Variants in CIMIP2A observed in about 807,000 individuals in gnomAD.
CIMIP2A encodes family with sequence similarity 166 member A.
chr9:137,253,370 G>A, the CIMIP2A span: 5 of 1,534,244 alleles, frequency 3.3e-6, no homozygotes, highest in Non-Finnish European at 4.4e-6. Context: ...TGGGCACCCC[G>A]ATGCACCCTT....
chr9:137,243,726 ATTCC>A, the CIMIP2A span: 1 of 1,614,122 alleles, frequency 6.2e-7, no homozygotes, highest in African/African-American at 1.3e-5. Flanking sequence ...CGCTTTGCCC[ATTCC>A]TTCCAGTAGG....
At chr9:137,244,817 A>G in the CIMIP2A span, 2 of 1,576,884 alleles carry the variant, frequency 1.3e-6, no homozygotes, top group African/African-American at 2.7e-5. Context: ...CAGACGTGTC[A>G]GGGAAGCCAG....
the CIMIP2A span, among the ~76,000 whole-genome samples, chr9:137,247,306 G>C: frequency 6.6e-6 from 1 of 152,186 alleles, no homozygotes; most frequent in Non-Finnish European, 1.5e-5. Context: ...TAAATAAAAT[G>C]AAATGAAGTG....
chr9:137,254,951 C>A, the CIMIP2A span, among the ~76,000 whole-genome samples: 363 of 152,312 alleles, frequency 2.4e-3, no homozygotes, highest in Non-Finnish European at 3.5e-3. Context: ...AGGGAGTCTG[C>A]GCCTGTGTCC....
the CIMIP2A span, chr9:137,247,751 T>A: frequency 6.2e-7 from 1 of 1,603,742 alleles, no homozygotes; most frequent in East Asian, 2.2e-5. Context: ...CTCCAGTCCC[T>A]CCCGGCATCC....
the CIMIP2A span, chr9:137,244,953 A>G: frequency 4.4e-6 from 7 of 1,602,780 alleles, no homozygotes; most frequent in East Asian, 1.6e-4. Flanking sequence ...GAGGCAGAGG[A>G]GGTCCCCCCA....
the CIMIP2A span, chr9:137,244,666 G>A: frequency 1.2e-6 from 2 of 1,613,908 alleles, no homozygotes; most frequent in South Asian, 2.2e-5. Flanking sequence ...ATTCGTCCAT[G>A]GCTTGCATGA....
the CIMIP2A span, chr9:137,244,503 A>G: frequency 1.3e-6 from 2 of 1,501,780 alleles, no homozygotes; most frequent in Admixed American, 2.1e-5. Flanking sequence ...ACCTCCGGGG[A>G]CAGGAGAGAG....
the CIMIP2A span, chr9:137,251,486 C>T: frequency 7.8e-5 from 86 of 1,095,840 alleles, no homozygotes; most frequent in African/African-American, 1.8e-4. Flanking sequence ...GCTGGGCAGG[C>T]GGCTGGGGGA....
the CIMIP2A span, among the ~76,000 whole-genome samples, chr9:137,247,236 G>A: frequency 6.6e-6 from 1 of 152,238 alleles, no homozygotes; most frequent in Admixed American, 6.5e-5. Flanking sequence ...GGTAAGCCAA[G>A]ATTGCACCAT....
chr9:137,254,026 T>G, the CIMIP2A span, among the ~76,000 whole-genome samples: 1 of 150,760 alleles, frequency 6.6e-6, no homozygotes, highest in African/African-American at 2.5e-5. Flanking sequence ...GCCTCCCTTG[T>G]CATCACTGGC....
the CIMIP2A span, chr9:137,244,426 T>A: frequency 1.3e-6 from 2 of 1,530,842 alleles, no homozygotes; most frequent in Non-Finnish European, 1.8e-6. Flanking sequence ...TGCATCCCCC[T>A]ACCCCCGACT....
the CIMIP2A span, chr9:137,251,848 C>T: frequency 3.7e-6 from 6 of 1,607,302 alleles, no homozygotes; most frequent in Non-Finnish European, 3.4e-6. Flanking sequence ...CAGACGGGCA[C>T]CCCCCAGGAG....
At chr9:137,244,858 G>A in the CIMIP2A span, 1 of 1,564,368 alleles carries the variant, frequency 6.4e-7, no homozygotes, top group Admixed American at 1.9e-5. Flanking sequence ...CTGAACGTTG[G>A]CGACTGTCTG....
chr9:137,247,710 T>C, the CIMIP2A span: 1 of 1,613,456 alleles, frequency 6.2e-7, no homozygotes, highest in Non-Finnish European at 8.5e-7. Flanking sequence ...TCTGAGTAGT[T>C]GTCATTTTGC....
At chr9:137,244,131 G>A in the CIMIP2A span, 13 of 1,588,682 alleles carry the variant, frequency 8.2e-6, no homozygotes, top group Non-Finnish European at 1.1e-5. Flanking sequence ...TCCCCACATT[G>A]GCCGGGGTGT....
At chr9:137,248,976 A>G in the CIMIP2A span, among the ~76,000 whole-genome samples, 1 of 152,296 alleles carries the variant, frequency 6.6e-6, no homozygotes, top group East Asian at 1.9e-4. Flanking sequence ...TCACAAAACA[A>G]AGATATAAAC....
the CIMIP2A span, chr9:137,251,163 G>A: frequency 1.3e-6 from 1 of 775,992 alleles, no homozygotes; most frequent in African/African-American, 1.7e-5. Context: ...AGGGGTCGGG[G>A]CCCGGGGCAG....
At chr9:137,252,423 T>A in the CIMIP2A span, 1 of 1,606,722 alleles carries the variant, frequency 6.2e-7, no homozygotes, top group Non-Finnish European at 8.5e-7. Flanking sequence ...TCTCTCTCCA[T>A]CCTCCAACTA....
Sources: gnomAD v4.1 joint callset for allele counts (sites outside exome capture counted in the v4.1 genomes callset) on GRCh38, gnomAD v4.1.1 for gene constraint, MANE v1.5 for transcripts, NCBI Gene and HGNC (gene_info 2026-07-23, HGNC 2026-07-21) for gene names.